ARHGEF7: variants seen among roughly 807,000 people sequenced by gnomAD.
The protein encoded by ARHGEF7 is PAK-interacting exchange factor beta.
Under a neutral mutation model 109.8 loss-of-function variants are expected in ARHGEF7, and 33 were observed. That is an observed-to-expected ratio of 0.30 (90% CI 0.23 to 0.40). The LOEUF is 0.40. Among genes scored for constraint, ARHGEF7 ranks in the 10% least tolerant of loss-of-function variants. The pLI, the probability that ARHGEF7 is intolerant of heterozygous loss-of-function variation, is 1.00. For synonymous variants in ARHGEF7, 458 were observed against 424.6 expected, an observed-to-expected ratio of 1.08 and a Z score of -0.97; for missense variants, 938 against 1,098.5, an observed-to-expected ratio of 0.85 and a Z score of 2.07.
intron 2 of ARHGEF7, among the ~76,000 whole-genome samples, chr13:111,175,596 C>T (rs2078072115): frequency 1.3e-5 from 2 of 152,166 alleles, no homozygotes; most frequent in East Asian, 1.9e-4. Context: ...CAGGGGCGGG[C>T]CTCCTAAGCT....
In ARHGEF7 at chr13:111,273,534, G is replaced by T. The variant is rs550257963; in HGVS notation, c.1074-280G>T. ...TCTGCATGGCACTGATGTGCTGGAG[G>T]ACCTCGCCATCAGTAGGATCTCATG... On this transcript the variant is annotated intron_variant, in intron 9 of 21. Transcript: ENST00000646102. This position sits in a 1 kb window ranked among gnomAD's most constrained non-coding sequence, Gnocchi z 4.5. 1.3e-5 allele frequency among the ~76,000 whole-genome samples: 2 copies of T among 152,328 alleles called. No individual in the cohort carries two copies. The highest frequency in any genetic ancestry group is 1.3e-4 in the Admixed American group (2 of 15,306).
intron 2 of ARHGEF7, among the ~76,000 whole-genome samples, chr13:111,173,326 A>AT (rs1477861773): frequency 6.6e-6 from 1 of 152,090 alleles, no homozygotes; most frequent in Non-Finnish European, 1.5e-5. Context: ...TTGTCTTGAT[A>AT]TTTTGCCCCC....
At chr13:111,265,824 T>C (rs1336742451) in intron 8 of ARHGEF7, 5 of 435,074 alleles carry the variant, frequency 1.1e-5, no homozygotes, top group Non-Finnish European at 2.3e-5. Context: ...GAGGATGCAA[T>C]AGGGGACCAC....
chr13:111,151,910 C>T (rs2075906376), intron 1 of ARHGEF7, among the ~76,000 whole-genome samples: 1 of 151,978 alleles, frequency 6.6e-6, no homozygotes, highest in African/African-American at 2.4e-5. Flanking sequence ...TGGCCTTATT[C>T]AAGCACAGCT....
At chr13:111,184,132 C>T (rs184293382) in intron 2 of ARHGEF7, among the ~76,000 whole-genome samples, 5 of 152,256 alleles carry the variant, frequency 3.3e-5, no homozygotes, top group East Asian at 1.9e-4. Flanking sequence ...TTAGTTCTCA[C>T]GAGATCTGAT....
At chr13:111,161,699 G>A (rs564509133) in intron 2 of ARHGEF7, among the ~76,000 whole-genome samples, 1 of 152,032 alleles carries the variant, frequency 6.6e-6, no homozygotes, top group Admixed American at 6.5e-5. Flanking sequence ...TAATGCTACC[G>A]TTTAGAGATA....
intron 12 of ARHGEF7, among the ~76,000 whole-genome samples, chr13:111,276,372 A>G (rs1344658917): frequency 1.3e-5 from 2 of 152,222 alleles, no homozygotes; most frequent in Non-Finnish European, 2.9e-5. Context: ...AAACTTATAT[A>G]GTGTGTTTTC....
chr13:111,241,091 C>A, intron 6 of ARHGEF7: 2 of 1,472,484 alleles, frequency 1.4e-6, no homozygotes, highest in Non-Finnish European at 1.8e-6. Context: ...TTGAGTGGCA[C>A]CAGTGTTTGA....
In ARHGEF7 at chr13:111,280,627, A is replaced by G. The variant is rs2092727500; in HGVS notation, c.1675A>G (p.Thr559Ala). ...VEHLQKQTKV[T>A]SVGNPTIKPH... ...GCACCTACAGAAGCAAACGAAGGTC[A>G]CGTCTGTGGGAAACCCCACCATAAA... Residue 559 changes from threonine (T) to alanine (A), a missense_variant, in exon 15 of 22, where the codon ACG becomes GCG. Thr to Ala is a moderately conservative substitution (Grantham distance 58, BLOSUM62 0). Coordinates refer to ENST00000646102, the MANE Select transcript of ARHGEF7 (RefSeq NM_001354046.2). 3.7e-6 allele frequency: 6 copies of G among 1,611,946 alleles called. No individual in the cohort carries two copies. The highest frequency in any genetic ancestry group is 4.2e-6 in the Non-Finnish European group (5 of 1,179,352).
chr13:111,116,597 G>A (rs2066804979), intron 1 of ARHGEF7: 1 of 151,984 alleles, frequency 6.6e-6, no homozygotes, highest in Admixed American at 6.6e-5. Flanking sequence ...AATATATAGC[G>A]TTAAGATCAA....
chr13:111,221,188 T>A (rs1418757790), intron 5 of ARHGEF7, among the ~76,000 whole-genome samples: 5 of 69,544 alleles, frequency 7.2e-5, no homozygotes, highest in South Asian at 5.0e-4. Context: ...GATATATATG[T>A]CTATATATAT....
intron 10 of ARHGEF7, among the ~76,000 whole-genome samples, chr13:111,274,307 T>C (rs1224898372): frequency 6.6e-6 from 1 of 152,258 alleles, no homozygotes; most frequent in African/African-American, 2.4e-5. Flanking sequence ...ATGATTGTGC[T>C]CTTTTAATTT....
At chr13:111,154,071 G>A (rs2076096207) in intron 2 of ARHGEF7, 80 bp downstream of exon 2, 2 of 1,379,096 alleles carry the variant, frequency 1.5e-6, no homozygotes, top group Non-Finnish European at 1.9e-6. Flanking sequence ...GCTCCAGCCG[G>A]ACCTCCTGCC....
At chr13:111,221,501 A>G (rs1451017214) in intron 5 of ARHGEF7, among the ~76,000 whole-genome samples, 18 of 79,428 alleles carry the variant, frequency 2.3e-4, no homozygotes, top group Non-Finnish European at 3.2e-4. Flanking sequence ...ACATATATAT[A>G]TCTATATATA....
intron 2 of ARHGEF7, among the ~76,000 whole-genome samples, chr13:111,201,899 C>G (rs2081254808): frequency 6.6e-6 from 1 of 152,140 alleles, no homozygotes; most frequent in African/African-American, 2.4e-5. Context: ...AGGTATTTTT[C>G]TATCCTTGTT....
chr13:111,134,851 G>T (rs1040277325), intron 1 of ARHGEF7, among the ~76,000 whole-genome samples: 2 of 152,230 alleles, frequency 1.3e-5, no homozygotes, highest in Non-Finnish European at 2.9e-5. Flanking sequence ...TGGTGTTTTA[G>T]TCATGAAGTC....
intron 1 of ARHGEF7, chr13:111,144,062 G>A (rs929758622): frequency 7.2e-5 from 11 of 152,328 alleles, no homozygotes; most frequent in African/African-American, 2.4e-4. Flanking sequence ...AGCCTCAGGG[G>A]ATGCATGAGT....
chr13:111,274,836 CAAAT>C (rs2092384433), intron 11 of ARHGEF7, 46 bp downstream of exon 11: 1 of 1,208,282 alleles, frequency 8.3e-7, no homozygotes, highest in Admixed American at 2.8e-5. Flanking sequence ...ATTATTGTGA[CAAAT>C]GAATGTAAAA....
At chr13:111,139,398 A>G (rs1308184678) in intron 1 of ARHGEF7, among the ~76,000 whole-genome samples, 1 of 151,178 alleles carries the variant, frequency 6.6e-6, no homozygotes, top group African/African-American at 2.4e-5. Flanking sequence ...GACATCCTCT[A>G]CCTCTCTGTC....
Sources: allele counts gnomAD v4.1 joint callset (sites outside exome capture counted in the v4.1 genomes callset), GRCh38; gene constraint gnomAD v4.1.1; non-coding constraint Gnocchi (gnomAD v3.1); transcripts MANE v1.5; gene names NCBI Gene and HGNC (gene_info 2026-07-23, HGNC 2026-07-21).